Variants in TARBP1 observed in about 807,000 individuals in gnomAD.
TARBP1 encodes the protein tRNA (guanosine(18)-2'-O)-methyltransferase TARBP1.
A neutral mutation model predicts 178.6 loss-of-function variants in TARBP1; 144 were observed. The observed-to-expected ratio is 0.81, with a 90% confidence interval of 0.70 to 0.93. The LOEUF is 0.93. Ranked by LOEUF, TARBP1 falls within the 40% of genes least tolerant of loss-of-function variation. TARBP1 has a pLI of 0.00. For synonymous variants in TARBP1, 787 were observed against 781.0 expected, an observed-to-expected ratio of 1.01 and a Z score of -0.13; for missense variants, 2,067 against 2,011.7, an observed-to-expected ratio of 1.03 and a Z score of -0.53.
intron 20 of TARBP1, among the ~76,000 whole-genome samples, chr1:234,422,447 C>T (rs1207293114): frequency 6.6e-6 from 1 of 152,112 alleles, no homozygotes; most frequent in Non-Finnish European, 1.5e-5. Flanking sequence ...ATGGATGGAA[C>T]TGGAGGTCAT....
At chr1:234,419,158 G>C (rs559724167) in intron 21 of TARBP1, among the ~76,000 whole-genome samples, 1 of 151,816 alleles carries the variant, frequency 6.6e-6, no homozygotes, top group Admixed American at 6.6e-5. Context: ...GGGTGAAAGA[G>C]CAAGACTCCG....
chr1:234,422,797 T>C (rs1419025349), intron 20 of TARBP1, among the ~76,000 whole-genome samples: 1 of 152,240 alleles, frequency 6.6e-6, no homozygotes, highest in Middle Eastern at 3.2e-3. Context: ...CTCATTTACC[T>C]GATGTAATTA....
intron 23 of TARBP1, chr1:234,406,418 A>C: frequency 1.8e-5 from 4 of 225,122 alleles, no homozygotes; most frequent in Non-Finnish European, 3.5e-5. Context: ...TACAACCAAA[A>C]TGTTTTTCAA....
At position 234,429,342 on chromosome 1, in the gene TARBP1, A is replaced by T. The variant is rs1187636101; in HGVS notation, c.2872-18T>A. On this transcript the variant is annotated intron_variant, in intron 16 of 29. Transcript: ENST00000040877. ...GTCAGAAGCTGGTAGGAAAAAAAAA[A>T]ATACATACTTATTTCAAAAACTTGA... The T allele has an allele frequency of 1.9e-6, 3 of 1,568,224 alleles. No homozygotes were observed. Among genetic ancestry groups the T allele is most frequent in the East Asian group, 4.5e-5 (2 of 44,586 alleles).
chr1:234,425,706 AAAC>A lies in TARBP1; in HGVS notation c.3408_3410del (p.Leu1136del), dbSNP rs1663671059. 1 of 1,612,206 alleles carries A rather than the reference AAAC, an allele frequency of 6.2e-7. No individual in the cohort carries two copies. Among genetic ancestry groups the A allele is most frequent in the African/African-American group, 1.3e-5 (1 of 74,874 alleles). Reference sequence around the variant, plus strand: ...ATAGCTTGATTGCAAGATCCTCAATAAACAACTTGTGGGACATATTGGAGCCAT... The same window carrying A: ...ATAGCTTGATTGCAAGATCCTCAATAAACTTGTGGGACATATTGGAGCCAT... On this transcript the variant is annotated inframe_deletion, in exon 20 of 30. Coordinates refer to ENST00000040877, the MANE Select transcript of TARBP1 (RefSeq NM_005646.4).
At chr1:234,449,012 G>A (rs1241413699) in intron 10 of TARBP1, among the ~76,000 whole-genome samples, 1 of 152,222 alleles carries the variant, frequency 6.6e-6, no homozygotes, top group Non-Finnish European at 1.5e-5. Flanking sequence ...CAATTGGGCT[G>A]AGTGTGACGA....
chr1:234,452,462 T>C (rs1483993721), intron 9 of TARBP1, among the ~76,000 whole-genome samples: 2 of 152,160 alleles, frequency 1.3e-5, no homozygotes, highest in Admixed American at 1.3e-4. Flanking sequence ...AAATAGCATA[T>C]ACAAAATGCT....
intron 22 of TARBP1, among the ~76,000 whole-genome samples, chr1:234,413,952 T>C (rs962043152): frequency 1.3e-5 from 2 of 152,174 alleles, no homozygotes; most frequent in African/African-American, 2.4e-5. Flanking sequence ...ACTGTATAGA[T>C]GGTGGTGGTA....
intron 20 of TARBP1, among the ~76,000 whole-genome samples, chr1:234,421,501 G>T (rs1014067899): frequency 2.1e-5 from 3 of 140,890 alleles, no homozygotes; most frequent in Non-Finnish European, 4.7e-5. Flanking sequence ...GTACCTCACA[G>T]GCACTTCTCA....
intron 9 of TARBP1, among the ~76,000 whole-genome samples, chr1:234,455,134 T>C (rs1667149524): frequency 6.6e-6 from 1 of 152,184 alleles, no homozygotes; most frequent in Non-Finnish European, 1.5e-5. Context: ...GAATCTTAAT[T>C]GCAGACGAGT....
At chr1:234,421,732 G>T (rs761542195) in intron 20 of TARBP1, among the ~76,000 whole-genome samples, 1 of 152,198 alleles carries the variant, frequency 6.6e-6, no homozygotes, top group Non-Finnish European at 1.5e-5. Flanking sequence ...CAGCTGCAAG[G>T]TTTGCTTTTA....
intron 25 of TARBP1, 28 bp downstream of exon 25, chr1:234,401,149 TAGAG>T: frequency 6.4e-7 from 1 of 1,555,400 alleles, no homozygotes; most frequent in South Asian, 1.1e-5. Context: ...AAAGATACAA[TAGAG>T]AATTTACAAA....
intron 13 of TARBP1, among the ~76,000 whole-genome samples, chr1:234,435,069 C>G (rs549928946): frequency 2.0e-5 from 3 of 152,238 alleles, no homozygotes; most frequent in South Asian, 2.1e-4. Flanking sequence ...AGATAAAAGT[C>G]AAATTAGAAT....
intron 6 of TARBP1, among the ~76,000 whole-genome samples, chr1:234,463,385 A>G (rs570649368): frequency 2.0e-5 from 3 of 152,284 alleles, no homozygotes; most frequent in South Asian, 2.1e-4. Flanking sequence ...CGGCCTCCCA[A>G]AGTGCTGGGA....
intron 23 of TARBP1, among the ~76,000 whole-genome samples, chr1:234,408,782 C>G (rs2103060508): frequency 6.6e-6 from 1 of 152,310 alleles, no homozygotes; most frequent in South Asian, 2.1e-4. Context: ...AACTCTGATC[C>G]CCGAATGCTC....
At chr1:234,392,824 C>T (rs1419491870) in intron 28 of TARBP1, 2 of 191,510 alleles carry the variant, frequency 1.0e-5, no homozygotes, top group African/African-American at 4.7e-5. Context: ...CATTCTCCTG[C>T]CTCAGCATCC....
intron 22 of TARBP1, among the ~76,000 whole-genome samples, chr1:234,411,810 T>C (rs531989480): frequency 7.2e-5 from 11 of 152,158 alleles, no homozygotes; most frequent in Non-Finnish European, 1.2e-4. Context: ...TTTGGAATAA[T>C]ACATTATTTT....
intron 25 of TARBP1, among the ~76,000 whole-genome samples, chr1:234,399,463 T>C (rs1314055981): frequency 1.3e-5 from 2 of 152,218 alleles, no homozygotes; most frequent in African/African-American, 4.8e-5. Context: ...TCAACCATTG[T>C]GGAAGTCAGT....
At chr1:234,418,255 T>C (rs1239287472) in intron 21 of TARBP1, 22 bp from the exon 22 acceptor site, 1 of 1,538,040 alleles carries the variant, frequency 6.5e-7, no homozygotes, top group Non-Finnish European at 8.7e-7. Flanking sequence ...AGTTCACAAT[T>C]AACCAGTTAC....
Sources: allele counts gnomAD v4.1 joint callset (sites outside exome capture counted in the v4.1 genomes callset), GRCh38; gene constraint gnomAD v4.1.1; transcripts MANE v1.5; gene names NCBI Gene and HGNC (gene_info 2026-07-23, HGNC 2026-07-21).